Variants in LBP observed in about 807,000 individuals in gnomAD.
LBP encodes the protein lipopolysaccharide binding protein.
In LBP, 53 loss-of-function variants were observed where a neutral mutation model predicts 56.6. That is an observed-to-expected ratio of 0.94 (90% CI 0.75 to 1.18). LBP has a LOEUF of 1.18. Among genes scored for constraint, LBP ranks in the 50% most tolerant of loss-of-function variants. The pLI, the probability that LBP is intolerant of heterozygous loss-of-function variation, is 0.00. For synonymous variants in LBP, 227 were observed against 247.5 expected (o/e 0.92, Z 0.78); for missense variants, 601 against 598.3 (o/e 1.00, Z -0.05).
intron 1 of LBP, among the ~76,000 whole-genome samples, chr20:38,347,286 G>T (rs1024679107): frequency 6.6e-6 from 1 of 152,244 alleles, no homozygotes; most frequent in Non-Finnish European, 1.5e-5. Context: ...GCTCACGCCT[G>T]TAATCCCAGC....
chr20:38,364,095 G>T (rs2076871848), intron 7 of LBP, 29 bp downstream of exon 7: 1 of 1,495,904 alleles, frequency 6.7e-7, no homozygotes, highest in Non-Finnish European at 9.3e-7. Flanking sequence ...GGCTGCGTGG[G>T]TGAGGCTTTC....
chr20:38,355,800 A>G (rs2076836873), intron 5 of LBP, among the ~76,000 whole-genome samples: 1 of 152,096 alleles, frequency 6.6e-6, no homozygotes, highest in African/African-American at 2.4e-5. Context: ...GGCGTGGGCC[A>G]GGTGGGAACT....
intron 12 of LBP, among the ~76,000 whole-genome samples, chr20:38,372,273 G>C (rs754794321): frequency 6.6e-6 from 1 of 152,148 alleles, no homozygotes; most frequent in Non-Finnish European, 1.5e-5. Flanking sequence ...ACCTCCACCT[G>C]TGCCCTGCCT....
rs200204885 is a variant in LBP at position 38,363,942 on chromosome 20, T to C, written c.653-33T>C. 36 of 1,488,366 alleles carry C rather than the reference T, an allele frequency of 2.4e-5. No homozygotes were observed. The East Asian group carries it at 7.9e-4, about 33-fold the overall frequency. 92.2% of individuals were successfully genotyped at this position (1,488,366 alleles called of 1,614,324 possible). The stretch of plus-strand genomic sequence containing the variant: ...TCCTCCAGCAGCTGAAAGTGTCATC[T>C]GGCCCCTAATTCTGCCCTGTCCTCA... On this transcript the variant is annotated intron_variant, in intron 6 of 14. Transcript: ENST00000217407.
At position 38,366,883 on chromosome 20, in the gene LBP, G is replaced by A. The variant is rs897734171; in HGVS notation, c.981+55G>A. ...CAGACCGAGCCTACTAGACTCCAGA[G>A]GTTTCTCTTTAAAACCTCTGCATCT... On this transcript the variant is annotated intron_variant, in intron 9 of 14. Transcript: ENST00000217407. 11 of 1,509,568 alleles carry A rather than the reference G, an allele frequency of 7.3e-6. No homozygotes were observed. The East Asian group carries it at 1.8e-4, about 25-fold the overall frequency. 93.5% of individuals were successfully genotyped at this position (1,509,568 alleles called of 1,614,324 possible). A position where few individuals can be genotyped will look rare whatever the true frequency, so the allele number is the denominator to read the frequency against.
intron 9 of LBP, among the ~76,000 whole-genome samples, chr20:38,368,387 G>T (rs935509355): frequency 6.6e-6 from 1 of 152,130 alleles, no homozygotes; most frequent in African/African-American, 2.4e-5. Flanking sequence ...ATCACCTGAG[G>T]TCAGGAGTTC....
rs142150084 is a variant in LBP at position 38,349,634 on chromosome 20, G to C, written c.211G>C (p.Val71Leu). 1.9e-6 allele frequency: 3 copies of C among 1,609,632 alleles called. No individual in the cohort carries two copies. The highest frequency in any genetic ancestry group is 1.7e-5 in the Admixed American group (1 of 59,538). The change falls in exon 2 of 15, where the codon GTC becomes CTC. Residue 71 changes from valine to leucine, a missense_variant. By Grantham distance (32) the Val-to-Leu change is conservative. Coordinates refer to ENST00000217407, the MANE Select transcript of LBP (RefSeq NM_004139.5). ...CACCGGGGACTTGAGGATCCCCCAC[G>C]TCGGCCGTGGGCGCTATGAGTTCCA... is the stretch of plus-strand genomic sequence containing the variant. Reference protein sequence around the residue: ...DFTGDLRIPHVGRGRYEFHSL... With the variant: ...DFTGDLRIPHLGRGRYEFHSL...
rs2076834815 is a variant in LBP at position 38,355,273 on chromosome 20, GGGACCAGGGCCTGGCTTTCC to G, written c.525-72_525-53del. On this transcript the variant is annotated intron_variant, in intron 4 of 14. Transcript: ENST00000217407. Reference sequence around the variant, plus strand: ...CTCCCTTTGTGGACTGGCCTGACCAGGGACCAGGGCCTGGCTTTCCCAGGCACCCGGCCATCCCCAAGTTC... The same window carrying G: ...CTCCCTTTGTGGACTGGCCTGACCAGCAGGCACCCGGCCATCCCCAAGTTC... 1.6e-5 allele frequency: 23 copies of G among 1,394,458 alleles called. No individual in the cohort carries two copies. The African/African-American group carries it at 2.7e-4, about 16-fold the overall frequency. 86.4% of individuals were successfully genotyped at this position (1,394,458 alleles called of 1,614,324 possible).
chr20:38,360,499 T>C (rs1415884970), intron 5 of LBP, among the ~76,000 whole-genome samples: 1 of 152,178 alleles, frequency 6.6e-6, no homozygotes, highest in Non-Finnish European at 1.5e-5. Flanking sequence ...AAAGTCCAAC[T>C]GGACCCTAGT....
At chr20:38,351,449 C>G (rs2076820187) in intron 3 of LBP, among the ~76,000 whole-genome samples, 1 of 152,048 alleles carries the variant, frequency 6.6e-6, no homozygotes, top group Admixed American at 6.6e-5. Context: ...TTGCCATTGG[C>G]CAAGGGCTGC....
chr20:38,351,323 G>A (rs11536943), intron 3 of LBP, among the ~76,000 whole-genome samples: 8,930 of 152,298 alleles, frequency 0.059, 341 homozygotes, highest in South Asian at 0.12. Context: ...GGGAAGGGAA[G>A]GGAAGGAAGT....
At chr20:38,355,028 G>C (rs962262964) in intron 4 of LBP, among the ~76,000 whole-genome samples, 1 of 152,234 alleles carries the variant, frequency 6.6e-6, no homozygotes, top group Admixed American at 6.5e-5. Context: ...GTTGCAGTGA[G>C]CTGAGATTGT....
chr20:38,376,711 T>G lies in LBP; in HGVS notation c.*42T>G, dbSNP rs1555846186. The G allele has an allele frequency of 3.2e-6, 5 of 1,551,718 alleles. No homozygotes were observed. Among genetic ancestry groups the G allele is most frequent in the Non-Finnish European group, 4.5e-6 (5 of 1,123,506 alleles). On this transcript the variant is annotated 3_prime_UTR_variant, in exon 15 of 15. Transcript: ENST00000217407. Reference sequence around the variant, plus strand: ...GCTTGGAGGTCACAGCTGGATCTGCTTGTTGCATTTCCAGCTGTGCAGCAC... The same window carrying G: ...GCTTGGAGGTCACAGCTGGATCTGCGTGTTGCATTTCCAGCTGTGCAGCAC...
Position 38,360,917 on chromosome 20 carries a change from G to T in LBP, c.652+150G>T, listed in dbSNP as rs2076857844. On this transcript the variant is annotated intron_variant, in intron 6 of 14. Coordinates refer to ENST00000217407, the MANE Select transcript of LBP (RefSeq NM_004139.5). ...GCGGCTCACACCTGTAATCTCAGCA[G>T]TCTGGGAGGCCGAGGCGGGTGGATC... 5.6e-6 allele frequency: 3 copies of T among 533,632 alleles called. No homozygotes were observed. The South Asian group carries it at 8.3e-5, about 15-fold the overall frequency. The allele number at this position is 533,632 out of a possible 1,614,324, so 33.1% of individuals were successfully genotyped here.
At chr20:38,364,516 C>T in intron 7 of LBP, 60 bp from the exon 8 acceptor site, 1 of 1,523,780 alleles carries the variant, frequency 6.6e-7, no homozygotes. Flanking sequence ...AGGGGAATAC[C>T]TAGCCCCTGC....
At chr20:38,370,477 T>C (rs1374176457) in intron 10 of LBP, among the ~76,000 whole-genome samples, 3 of 152,202 alleles carry the variant, frequency 2.0e-5, no homozygotes, top group African/African-American at 7.2e-5. Context: ...GTAGGTACTC[T>C]ATACCTTCTC....
At chr20:38,348,734 T>A (rs1236627825) in intron 1 of LBP, among the ~76,000 whole-genome samples, 1 of 150,298 alleles carries the variant, frequency 6.7e-6, no homozygotes, top group Admixed American at 6.7e-5. Context: ...TTCAATGGCA[T>A]GCCAATGAGG....
Position 38,354,442 on chromosome 20 carries a change from A to C in LBP, c.524+3A>C. ...GTGGACATGTCGGGAGACTTGGGGT[A>C]GGTCTCCATCGGGGCACTGCCAGCT... On this transcript the variant is annotated splice_donor_region_variant and intron_variant, in intron 4 of 14. Transcript: ENST00000217407. The C allele has an allele frequency of 6.2e-7, 1 of 1,608,768 alleles. No individual in the cohort carries two copies. Among genetic ancestry groups the C allele is most frequent in the East Asian group, 2.2e-5 (1 of 44,790 alleles).
intron 2 of LBP, 147 bp downstream of exon 2, chr20:38,349,809 G>A: frequency 1.6e-6 from 1 of 609,212 alleles, no homozygotes; most frequent in East Asian, 2.8e-5. Context: ...GAAGAGCTCA[G>A]AAGGAAATTC....
Sources: allele counts gnomAD v4.1 joint callset (sites outside exome capture counted in the v4.1 genomes callset), GRCh38; gene constraint gnomAD v4.1.1; transcripts MANE v1.5; gene names NCBI Gene and HGNC (gene_info 2026-07-23, HGNC 2026-07-21).